Variants in TRIOBP observed in about 807,000 individuals in gnomAD.
TRIOBP encodes the protein TRIO and F-actin binding protein.
TRIOBP carries 169 observed loss-of-function variants against 238.8 expected under a neutral mutation model. That is an observed-to-expected ratio of 0.71 (90% confidence interval 0.62 to 0.80). The LOEUF is 0.80. TRIOBP is among the 30% of genes least tolerant of loss of function. TRIOBP has a pLI of 0.00. For synonymous variants in TRIOBP, 1,150 were observed against 1,274.4 expected (o/e 0.90, Z 2.08); for missense variants, 2,838 against 3,122.6 (o/e 0.91, Z 2.17).
intron 6 of TRIOBP, among the ~76,000 whole-genome samples, chr22:37,716,884 C>T (rs531942314): frequency 6.6e-6 from 1 of 152,334 alleles, no homozygotes; most frequent in South Asian, 2.1e-4. Context: ...GTAGCAATAA[C>T]TGGTTCAGGC....
chr22:37,746,460 G>A (rs1382635153), intron 11 of TRIOBP: 3 of 1,411,072 alleles, frequency 2.1e-6, no homozygotes, highest in East Asian at 3.1e-5. Context: ...GAGGCCGGGA[G>A]AAGGGCGACG....
At chr22:37,754,757 T>G (rs1601656254) in intron 12 of TRIOBP, 120 bp from the exon 13 acceptor site, 2 of 934,188 alleles carry the variant, frequency 2.1e-6, no homozygotes, top group Middle Eastern at 3.1e-4. Context: ...AGGGGCCAGG[T>G]CTCAAATTGG....
At chr22:37,714,019 TC>T (rs1260463334) in intron 5 of TRIOBP, among the ~76,000 whole-genome samples, 1 of 152,148 alleles carries the variant, frequency 6.6e-6, no homozygotes, top group Non-Finnish European at 1.5e-5. Flanking sequence ...CTCACACGCT[TC>T]ATGGCCAGCT....
chr22:37,699,961 C>A (rs949102100), intron 2 of TRIOBP, among the ~76,000 whole-genome samples: 30 of 152,108 alleles, frequency 2.0e-4, no homozygotes, highest in Non-Finnish European at 4.4e-5. Flanking sequence ...TCACTGCTAC[C>A]TCTGCCTCCC....
In TRIOBP at chr22:37,735,282, A is replaced by G. The variant is rs1466817971; in HGVS notation, c.4946A>G (p.Gln1649Arg). The G allele has an allele frequency of 8.1e-6, 13 of 1,609,860 alleles. No individual in the cohort carries two copies. The highest frequency in any genetic ancestry group is 1.1e-5 in the Non-Finnish European group (13 of 1,176,972). The change falls in exon 9 of 24, where the codon CAG becomes CGG. Residue 1649 changes from glutamine to arginine, a missense_variant. This residue lies in a region of TRIOBP where 2,096 missense variants were observed against 2,137.4 expected (regional missense o/e 0.98). Transcript: ENST00000644935. ...GGACACAGCCCCGCACTGCAGTCCC[A>G]GAGCCCGGTCCAGCTGCCCAGCCCT... ...VNGHSPALQS[Q>R]SPVQLPSPAC...
At chr22:37,761,811 G>GGGCTT (rs1926258195) in intron 17 of TRIOBP, among the ~76,000 whole-genome samples, 1 of 151,990 alleles carries the variant, frequency 6.6e-6, no homozygotes, top group African/African-American at 2.4e-5. Context: ...GTGAGGCTGG[G>GGGCTT]GGCTTACCTT....
rs1039833860 is a variant in TRIOBP, at chr22:37,727,443, C to T, written c.3947+940C>T. On this transcript the variant is annotated intron_variant, in intron 7 of 23. Coordinates refer to ENST00000644935, the MANE Select transcript of TRIOBP (RefSeq NM_001039141.3). ...CAGCACTTGGGGAGGCCGAGGCGGG[C>T]GGATCACAAGGTCAGGAGATCGACA... Among the ~76,000 whole-genome samples, 64 of 151,554 alleles carry T rather than the reference C, an allele frequency of 4.2e-4. 1 individual carries two copies. The highest frequency in any genetic ancestry group is 2.0e-4 in the East Asian group (1 of 5,056).
chr22:37,708,991 GTC>G (rs1216766533), intron 3 of TRIOBP, among the ~76,000 whole-genome samples: 2 of 152,214 alleles, frequency 1.3e-5, no homozygotes, highest in Non-Finnish European at 2.9e-5. Flanking sequence ...TGCCTGGCAA[GTC>G]TCTCCTCATT....
intron 7 of TRIOBP, among the ~76,000 whole-genome samples, chr22:37,730,580 G>A (rs1924374389): frequency 6.6e-6 from 1 of 152,104 alleles, no homozygotes; most frequent in South Asian, 2.1e-4. Context: ...CTATACCCCA[G>A]TTCGGGGGAA....
chr22:37,738,149 C>A (rs1045238673), intron 9 of TRIOBP, among the ~76,000 whole-genome samples: 5 of 152,096 alleles, frequency 3.3e-5, no homozygotes, highest in African/African-American at 9.7e-5. Context: ...ATCAATGATG[C>A]ATGTTGAATG....
chr22:37,754,813 G>T, intron 12 of TRIOBP, 64 bp from the exon 13 acceptor site: 1 of 1,533,540 alleles, frequency 6.5e-7, no homozygotes. Flanking sequence ...TAGTGAGTTT[G>T]GCAGCCACAC....
intron 6 of TRIOBP, among the ~76,000 whole-genome samples, chr22:37,719,990 C>CACTGCACTCACTGTTTCACTCAT (rs1923739987): frequency 8.3e-5 from 1 of 12,032 alleles, no homozygotes; most frequent in Admixed American, 1.5e-3. Flanking sequence ...TTCACTCATC[C>CACTGCACTCACTGTTTCACTCAT]CCCCCCGCCC....
Position 37,704,486 on chromosome 22 carries a change from G to C in TRIOBP, c.114+3007G>C, listed in dbSNP as rs568526904. On this transcript the variant is annotated intron_variant, in intron 3 of 23. Transcript: ENST00000644935. ...GGGGAAGGGGGAGGGGAAGGGGGAG[G>C]GGGAGAGAGAGGAGGAGAGGAGGAG... Among the ~76,000 whole-genome samples, 179 of 150,706 alleles carry C rather than the reference G, an allele frequency of 1.2e-3. 1 individual carries two copies. The highest frequency in any genetic ancestry group is 1.5e-3 in the Non-Finnish European group (103 of 67,686).
chr22:37,735,083 G>C lies in TRIOBP; in HGVS notation c.4747G>C (p.Glu1583Gln). 1 of 1,606,856 alleles carries C rather than the reference G, an allele frequency of 6.2e-7. No individual in the cohort carries two copies. The highest frequency in any genetic ancestry group is 1.1e-5 in the South Asian group (1 of 90,950). The change falls in exon 9 of 24, where the codon GAG (glutamate) becomes CAG (glutamine). Residue 1583 changes from glutamate (E) to glutamine (Q), a missense_variant. Physicochemically the swap from Glu to Gln is conservative, Grantham distance 29. Around this residue, in one of 5 missense-constraint regions of TRIOBP, gnomAD observed 2,096 missense variants for 2,137.4 expected, o/e 0.98. Transcript: ENST00000644935. ...GGCCCGTGTCCCCAGCCTGGACTGG[G>C]AGGGCCTCTTGGAGCTCCTGCAGGC... ...VWARVPSLDW[E>Q]GLLELLQARL... is the part of the protein sequence containing the mutation.
At chr22:37,711,884 T>C (rs965562029) in intron 4 of TRIOBP, among the ~76,000 whole-genome samples, 122 of 152,232 alleles carry the variant, frequency 8.0e-4, no homozygotes, top group African/African-American at 2.8e-3. Context: ...TAAGCCTTCT[T>C]GAGCCTGTGA....
At chr22:37,766,959 A>C (rs1926527142) in intron 18 of TRIOBP, among the ~76,000 whole-genome samples, 1 of 137,528 alleles carries the variant, frequency 7.3e-6, no homozygotes, top group Non-Finnish European at 1.6e-5. Context: ...AGACTCCATC[A>C]AAAAAAAAAA....
Position 37,755,199 on chromosome 22 carries a change from G to T in TRIOBP, c.5577+9G>T, listed in dbSNP as rs1167872773. 6.2e-7 allele frequency: 1 copy of T among 1,609,140 alleles called. No homozygotes were observed. On this transcript the variant is annotated intron_variant, in intron 14 of 23. Coordinates refer to ENST00000644935, the MANE Select transcript of TRIOBP (RefSeq NM_001039141.3). ...ATGGCTTCCAGATCCACGTGAGGCT[G>T]TGTGCAGCTTGGGGGCTGGTGGTGG... is the stretch of plus-strand genomic sequence containing the variant.
intron 11 of TRIOBP, among the ~76,000 whole-genome samples, chr22:37,744,950 C>T (rs1185803136): frequency 1.3e-5 from 2 of 152,142 alleles, no homozygotes; most frequent in African/African-American, 4.8e-5. Context: ...ACTGTAACCT[C>T]TGCCTCCCGG....
intron 3 of TRIOBP, among the ~76,000 whole-genome samples, chr22:37,709,035 G>A (rs1036145848): frequency 5.3e-5 from 8 of 152,202 alleles, no homozygotes; most frequent in East Asian, 1.9e-4. Flanking sequence ...TGGCCAAGGC[G>A]CCAGGCCCGG....
Sources: allele counts gnomAD v4.1 joint callset (sites outside exome capture counted in the v4.1 genomes callset), GRCh38; gene constraint gnomAD v4.1.1; regional missense constraint gnomAD v4.1.1; transcripts MANE v1.5; gene names NCBI Gene and HGNC (gene_info 2026-07-23, HGNC 2026-07-21).